The following GFRA1 variants were observed in gnomAD, a reference collection of about 807,000 sequenced individuals.
GFRA1 encodes GDNF family receptor alpha-1.
A neutral mutation model predicts 51.6 loss-of-function variants in GFRA1; 16 were observed. The observed-to-expected ratio is 0.31, with a 90% CI of 0.21 to 0.47. The LOEUF (loss-of-function observed/expected upper bound fraction) is 0.47, where lower values mean the gene tolerates loss of function less well. GFRA1 is among the 20% of genes least tolerant of loss of function. The probability of loss-of-function intolerance (pLI) is 1.00; values close to 1 mark genes in which losing one functional copy is unlikely to be tolerated. For missense variants in GFRA1, 530 were observed against 594.3 expected, an observed-to-expected ratio of 0.89 and a Z score of 1.13; for synonymous variants, 270 against 241.3, an observed-to-expected ratio of 1.12 and a Z score of -1.10.
chr10:116,161,606 C>A (rs535505502), intron 5 of GFRA1, among the ~76,000 whole-genome samples: 1 of 152,278 alleles, frequency 6.6e-6, no homozygotes, highest in Admixed American at 6.5e-5. Context: ...CAGTTTCCCC[C>A]ATACTGTTCT....
chr10:116,090,306 G>A (rs1270430371), intron 8 of GFRA1, among the ~76,000 whole-genome samples: 4 of 152,012 alleles, frequency 2.6e-5, no homozygotes, highest in Admixed American at 6.5e-5. Context: ...AAATTCTTGT[G>A]CTCTGTCAAT....
intron 9 of GFRA1, among the ~76,000 whole-genome samples, chr10:116,083,567 A>G (rs2133845085): frequency 6.6e-6 from 1 of 152,338 alleles, no homozygotes; most frequent in South Asian, 2.1e-4. Context: ...GCTGGCACAA[A>G]TGATTTACAG....
In GFRA1 at chr10:116,057,997, T is replaced by C. The variant is rs1229610900; in HGVS notation, c.*6401A>G. The C allele has an allele frequency of 3.4e-5, 2 of 58,374 alleles. No homozygotes were observed. Among genetic ancestry groups the C allele is most frequent in the African/African-American group, 2.6e-4 (2 of 7,678 alleles). The allele number at this position is 58,374 out of a possible 1,614,324, so 3.6% of individuals were successfully genotyped here. A position where few individuals can be genotyped will look rare whatever the true frequency, so the allele number is the denominator to read the frequency against. On this transcript the variant is annotated 3_prime_UTR_variant, in exon 11 of 11. Coordinates refer to ENST00000355422, the MANE Select transcript of GFRA1 (RefSeq NM_005264.8). ...CATATAGCCCTCCAATCATTGTGTGTGTGTGTGTGTGTGTGTGTGTGTGTG... is the reference window on the plus strand; with the variant it reads ...CATATAGCCCTCCAATCATTGTGTGCGTGTGTGTGTGTGTGTGTGTGTGTG...
chr10:116,207,120 GTAAAATGTAAAACTGTAAAACAGTT>G (rs1316668639), intron 5 of GFRA1, among the ~76,000 whole-genome samples: 20 of 28,348 alleles, frequency 7.1e-4, no homozygotes, highest in South Asian at 6.3e-3. Flanking sequence ...TTTCTCATCT[GTAAAATGTAAAACTGTAAAACAGTT>G]TCCTCATCTG....
At chr10:116,154,407 C>CA (rs1959166974) in intron 5 of GFRA1, among the ~76,000 whole-genome samples, 1 of 152,162 alleles carries the variant, frequency 6.6e-6, no homozygotes, top group Admixed American at 6.5e-5. Flanking sequence ...TTGCTATATG[C>CA]AACATCATGA....
intron 9 of GFRA1, 30 bp from the exon 10 acceptor site, chr10:116,065,656 A>C (rs770814507): frequency 6.3e-6 from 10 of 1,584,886 alleles, no homozygotes; most frequent in Non-Finnish European, 8.7e-6. Context: ...AAAATGCTCA[A>C]ACATAATACA....
chr10:116,156,516 ATG>A, intron 5 of GFRA1, among the ~76,000 whole-genome samples: 1 of 152,130 alleles, frequency 6.6e-6, no homozygotes, highest in Middle Eastern at 3.2e-3. Context: ...GGCCCATGCA[ATG>A]TGTTTCTGGT....
At chr10:116,121,250 A>T (rs1957629017) in intron 6 of GFRA1, among the ~76,000 whole-genome samples, 1 of 152,178 alleles carries the variant, frequency 6.6e-6, no homozygotes. Context: ...CCTTCCAGGC[A>T]CTAAGAAAAG....
intron 6 of GFRA1, among the ~76,000 whole-genome samples, chr10:116,100,529 G>A (rs997130863): frequency 2.6e-5 from 4 of 152,234 alleles, no homozygotes; most frequent in Admixed American, 1.3e-4. Flanking sequence ...AATGAGTAGT[G>A]ATGGGAAAAT....
chr10:116,237,574 C>CA (rs5788145), intron 4 of GFRA1, among the ~76,000 whole-genome samples: 1,841 of 112,534 alleles, frequency 0.016, 23 homozygotes, highest in South Asian at 0.033. Context: ...AAACTAAAGG[C>CA]AAAAAAAAAA....
chr10:116,133,994 C>G (rs1157896418), intron 5 of GFRA1, among the ~76,000 whole-genome samples: 1 of 152,166 alleles, frequency 6.6e-6, no homozygotes, highest in East Asian at 1.9e-4. Flanking sequence ...AAAATGCCAC[C>G]GTTATTGGCA....
intron 5 of GFRA1, among the ~76,000 whole-genome samples, chr10:116,162,077 A>T (rs1471655321): frequency 6.6e-6 from 1 of 152,216 alleles, no homozygotes. Flanking sequence ...TCTGAACAAC[A>T]TTCTCTTTCC....
chr10:116,230,694 G>T (rs1425385457), intron 4 of GFRA1, among the ~76,000 whole-genome samples: 1 of 146,888 alleles, frequency 6.8e-6, no homozygotes, highest in African/African-American at 2.5e-5. Context: ...TTCTATTAAA[G>T]AAACTAGGCA....
At chr10:116,232,290 T>G (rs1462679083) in intron 4 of GFRA1, among the ~76,000 whole-genome samples, 2 of 152,342 alleles carry the variant, frequency 1.3e-5, no homozygotes, top group African/African-American at 4.8e-5. Context: ...GGGTGTAATC[T>G]GGCATCCCTC....
chr10:116,209,560 C>G (rs1050117170), intron 5 of GFRA1, among the ~76,000 whole-genome samples: 18 of 152,198 alleles, frequency 1.2e-4, no homozygotes, highest in Middle Eastern at 3.4e-3. Context: ...TGTGCATGGG[C>G]CCCAGACAAC....
intron 9 of GFRA1, among the ~76,000 whole-genome samples, chr10:116,089,459 G>C (rs1956236670): frequency 6.6e-6 from 1 of 152,106 alleles, no homozygotes; most frequent in African/African-American, 2.4e-5. Context: ...AAACTTCAGA[G>C]ATGCATCTCC....
At chr10:116,253,673 T>C (rs1968575663) in intron 4 of GFRA1, among the ~76,000 whole-genome samples, 2 of 152,184 alleles carry the variant, frequency 1.3e-5, no homozygotes, top group Admixed American at 1.3e-4. Flanking sequence ...GGAAAACTTC[T>C]GGCCAAGTCC....
chr10:116,089,477 C>G (rs1023110451), intron 9 of GFRA1, among the ~76,000 whole-genome samples: 4 of 152,140 alleles, frequency 2.6e-5, no homozygotes, highest in African/African-American at 9.7e-5. Context: ...TCCCCAGAAC[C>G]CTCATTGTAT....
chr10:116,206,165 T>C (rs1389390124), intron 5 of GFRA1, among the ~76,000 whole-genome samples: 2 of 152,172 alleles, frequency 1.3e-5, no homozygotes, highest in African/African-American at 4.8e-5. Flanking sequence ...TGCCATCACA[T>C]AACAACTTGG....
Sources: allele counts gnomAD v4.1 joint callset (sites outside exome capture counted in the v4.1 genomes callset), GRCh38; gene constraint gnomAD v4.1.1; transcripts MANE v1.5; gene names NCBI Gene and HGNC (gene_info 2026-07-23, HGNC 2026-07-21).